MAP1B: variants seen among roughly 807,000 people sequenced by gnomAD.
MAP1B encodes microtubule associated protein 1B.
In MAP1B, 12 loss-of-function variants were observed where a neutral mutation model predicts 176.1. The ratio of observed to expected loss-of-function variants is 0.07; its 90% CI spans 0.04 to 0.11. MAP1B has a LOEUF of 0.11. Among genes scored for constraint, MAP1B ranks in the 10% least tolerant of loss-of-function variants. The probability of loss-of-function intolerance (pLI) is 1.00; values close to 1 mark genes in which losing one functional copy is unlikely to be tolerated. For missense variants in MAP1B, 2,523 were observed against 2,990.5 expected, an observed-to-expected ratio of 0.84 and a Z score of 3.65; for synonymous variants, 1,044 against 1,135.0, an observed-to-expected ratio of 0.92 and a Z score of 1.61.
At chr5:72,169,850 TA>T (rs1421613686) in intron 2 of MAP1B, among the ~76,000 whole-genome samples, 5 of 152,212 alleles carry the variant, frequency 3.3e-5, no homozygotes, top group African/African-American at 1.2e-4. Flanking sequence ...AATTTGGGGA[TA>T]AGAGACAACT....
intron 2 of MAP1B, among the ~76,000 whole-genome samples, chr5:72,139,639 G>A (rs965203305): frequency 5.3e-5 from 8 of 152,186 alleles, no homozygotes; most frequent in Non-Finnish European, 1.2e-4. Flanking sequence ...TATTGGAAAG[G>A]ACCACAGTTG....
intron 2 of MAP1B, among the ~76,000 whole-genome samples, chr5:72,181,998 A>ACAGGCATG (rs1746779122): frequency 6.8e-6 from 1 of 147,250 alleles, no homozygotes; most frequent in Admixed American, 6.8e-5. Context: ...TGCTGGGATT[A>ACAGGCATG]CAGGCATGAG....
intron 2 of MAP1B, among the ~76,000 whole-genome samples, chr5:72,146,963 T>TC (rs1746057747): frequency 1.4e-5 from 2 of 144,320 alleles, no homozygotes; most frequent in South Asian, 4.5e-4. Flanking sequence ...CAAATCTTCT[T>TC]TTTTTTTTTT....
At chr5:72,112,295 T>C (rs929249215) in intron 1 of MAP1B, among the ~76,000 whole-genome samples, 10 of 152,210 alleles carry the variant, frequency 6.6e-5, no homozygotes, top group African/African-American at 2.4e-4. Flanking sequence ...TCATTTTGCT[T>C]TCTTCAATCC....
At chr5:72,164,310 T>A (rs1371853498) in intron 2 of MAP1B, among the ~76,000 whole-genome samples, 1 of 152,134 alleles carries the variant, frequency 6.6e-6, no homozygotes, top group East Asian at 1.9e-4. Flanking sequence ...TAGGAGGCAT[T>A]GTTTCATAGT....
chr5:72,182,831 A>G (rs991423783), intron 2 of MAP1B, among the ~76,000 whole-genome samples: 1 of 152,094 alleles, frequency 6.6e-6, no homozygotes, highest in Non-Finnish European at 1.5e-5. Flanking sequence ...GAGAACACCC[A>G]CTTCCCTGTC....
At chr5:72,148,493 C>T (rs1746084490) in intron 2 of MAP1B, among the ~76,000 whole-genome samples, 1 of 152,232 alleles carries the variant, frequency 6.6e-6, no homozygotes, top group Admixed American at 6.5e-5. Flanking sequence ...AAACATTCAT[C>T]AGAACCACTT....
Position 72,196,871 on chromosome 5 carries a change from G to A in MAP1B, c.3516G>A (p.Gln1172=). 1 of 1,614,154 alleles carries A rather than the reference G, an allele frequency of 6.2e-7. No individual in the cohort carries two copies. The highest frequency in any genetic ancestry group is 8.5e-7 in the Non-Finnish European group (1 of 1,179,988). Residue 1172 remains glutamine, a synonymous_variant, in exon 5 of 7, where the codon CAG becomes CAA. Transcript: ENST00000296755. This position sits in a 1 kb window ranked among gnomAD's most constrained non-coding sequence, Gnocchi z 5.3. ...ITKYESSLYS[Q]EYSKPADVTP... is the part of the protein sequence containing the mutation. Reference sequence around the variant, plus strand: ...AATATGAATCTTCATTGTATTCTCAGGAATACTCTAAACCTGCTGATGTTA... The same window carrying A: ...AATATGAATCTTCATTGTATTCTCAAGAATACTCTAAACCTGCTGATGTTA...
rs1747276806 is a variant in MAP1B at position 72,199,538 on chromosome 5, T to C, written c.6183T>C (p.Thr2061=). 1 of 1,614,152 alleles carries C rather than the reference T, an allele frequency of 6.2e-7. No individual in the cohort carries two copies. The highest frequency in any genetic ancestry group is 2.2e-5 in the East Asian group (1 of 44,870). Residue 2061 remains threonine, a synonymous_variant, in exon 5 of 7, where the codon ACT becomes ACC. Coordinates refer to ENST00000296755, the MANE Select transcript of MAP1B (RefSeq NM_005909.5). This position sits in a 1 kb window ranked among gnomAD's most constrained non-coding sequence, Gnocchi z 4.2. ...AGGCATCCACATATTCCTACGAGAC[T>C]TCAGACCTATGCTACACTGCAGAAA... is the stretch of plus-strand genomic sequence containing the variant. The part of the protein sequence containing the change: ...TPQASTYSYE[T]SDLCYTAEKK...
In MAP1B at chr5:72,203,034, G is replaced by A. The variant is rs555189912; in HGVS notation, c.7013-529G>A. ...GCTGAGGGCCTTGGAAATCATATGG[G>A]GTTAAGATCAAAACTATTTGCTAGG... is the stretch of plus-strand genomic sequence containing the variant. On this transcript the variant is annotated intron_variant, in intron 5 of 6. Coordinates refer to ENST00000296755, the MANE Select transcript of MAP1B (RefSeq NM_005909.5). Among the ~76,000 whole-genome samples the A allele has an allele frequency of 2.6e-5, 4 of 152,208 alleles. No individual in the cohort carries two copies. In the South Asian group the frequency reaches 8.3e-4, roughly 32 times the overall value.
chr5:72,180,373 A>C (rs1407391453), intron 2 of MAP1B, among the ~76,000 whole-genome samples: 6 of 152,134 alleles, frequency 3.9e-5, no homozygotes, highest in African/African-American at 1.2e-4. Context: ...ATTTCATCTC[A>C]ACCTAGTGCC....
At chr5:72,201,027 C>T (rs1024664065) in intron 5 of MAP1B, among the ~76,000 whole-genome samples, 4 of 152,068 alleles carry the variant, frequency 2.6e-5, no homozygotes, top group African/African-American at 9.7e-5. Context: ...TCTCTTACCC[C>T]ATGGCCTCAT....
intron 1 of MAP1B, among the ~76,000 whole-genome samples, chr5:72,114,503 A>C (rs1464651539): frequency 6.6e-6 from 1 of 152,230 alleles, no homozygotes; most frequent in Non-Finnish European, 1.5e-5. Context: ...TGTTCTAGAG[A>C]TTTGTTCCTG....
intron 2 of MAP1B, among the ~76,000 whole-genome samples, chr5:72,153,179 G>A (rs540921386): frequency 1.3e-5 from 2 of 152,162 alleles, no homozygotes; most frequent in South Asian, 4.1e-4. Flanking sequence ...TTTGTCTTTT[G>A]TTTCCTTCCC....
chr5:72,205,326 A>G lies in MAP1B; in HGVS notation c.*87A>G. ...ATCACCTTTTCTAAAAAGTCAATTC[A>G]TCTAGTTAAGTCGCTGAACAATTAC... On this transcript the variant is annotated 3_prime_UTR_variant, in exon 7 of 7. Transcript: ENST00000296755. 2 of 1,384,740 alleles carry G rather than the reference A, an allele frequency of 1.4e-6. No individual in the cohort carries two copies. The highest frequency in any genetic ancestry group is 2.3e-5 in the East Asian group (1 of 43,488). The allele number at this position is 1,384,740 out of a possible 1,614,324, so 85.8% of individuals were successfully genotyped here. A position where few individuals can be genotyped will look rare whatever the true frequency, so the allele number is the denominator to read the frequency against.
At chr5:72,177,572 C>T (rs1746675538) in intron 2 of MAP1B, among the ~76,000 whole-genome samples, 1 of 152,202 alleles carries the variant, frequency 6.6e-6, no homozygotes, top group African/African-American at 2.4e-5. Context: ...AACTCTGCTG[C>T]TTCAGGCGTC....
intron 2 of MAP1B, among the ~76,000 whole-genome samples, chr5:72,171,818 G>T (rs749464555): frequency 6.6e-6 from 1 of 152,154 alleles, no homozygotes; most frequent in African/African-American, 2.4e-5. Flanking sequence ...TGGGAACCGG[G>T]TGTGCTGTTC....
intron 2 of MAP1B, among the ~76,000 whole-genome samples, chr5:72,117,492 A>G (rs6453442): frequency 0.72 from 109,384 of 152,124 alleles, 39,353 homozygotes; most frequent in Middle Eastern, 0.76. Flanking sequence ...TGACAACTGC[A>G]TATTGCATAA....
chr5:72,124,066 A>G (rs568694140), intron 2 of MAP1B, among the ~76,000 whole-genome samples: 1 of 152,330 alleles, frequency 6.6e-6, no homozygotes, highest in Middle Eastern at 3.4e-3. Context: ...TTGTTCAACC[A>G]TGGGTTTAGT....
Sources: gnomAD v4.1 joint callset for allele counts (sites outside exome capture counted in the v4.1 genomes callset) on GRCh38, gnomAD v4.1.1 for gene constraint, Gnocchi (gnomAD v3.1) non-coding constraint, MANE v1.5 for transcripts, NCBI Gene and HGNC (gene_info 2026-07-23, HGNC 2026-07-21) for gene names.